CRYBG3: variants seen among roughly 807,000 people sequenced by gnomAD.
CRYBG3 encodes crystallin beta-gamma domain containing 3.
CRYBG3 carries 127 observed loss-of-function variants against 244.2 expected under a neutral mutation model. That is an observed-to-expected ratio of 0.52 (90% confidence interval 0.45 to 0.60). The LOEUF (loss-of-function observed/expected upper bound fraction) is 0.60, where lower values mean the gene tolerates loss of function less well. Among genes scored for constraint, CRYBG3 ranks in the 20% least tolerant of loss-of-function variants. The probability of loss-of-function intolerance (pLI) is 0.00; values close to 1 mark genes in which losing one functional copy is unlikely to be tolerated. For missense variants in CRYBG3, 3,325 were observed against 3,442.5 expected, an observed-to-expected ratio of 0.97 and a Z score of 0.85; for synonymous variants, 1,132 against 1,195.8, an observed-to-expected ratio of 0.95 and a Z score of 1.10.
intron 17 of CRYBG3, among the ~76,000 whole-genome samples, chr3:97,916,462 C>T (rs1239419616): frequency 6.6e-6 from 1 of 152,218 alleles, no homozygotes; most frequent in East Asian, 1.9e-4. Flanking sequence ...GATCACAACT[C>T]CAGGACATCA....
In CRYBG3 at chr3:97,872,822, G is replaced by C. The variant is rs752761204; in HGVS notation, c.1628G>C (p.Ser543Thr). The change falls in exon 4 of 22, where the codon AGT (serine) becomes ACT (threonine). Residue 543 changes from serine to threonine, a missense_variant. Ser to Thr is a moderately conservative substitution (Grantham distance 58). Coordinates refer to ENST00000389622, the MANE Select transcript of CRYBG3 (RefSeq NM_153605.4). ...TCAGCTGGTGAATCCATAGCTTCAAGTCATGTAAAAGCTCCAGAAGATAAA... is the reference window on the plus strand; with the variant it reads ...TCAGCTGGTGAATCCATAGCTTCAACTCATGTAAAAGCTCCAGAAGATAAA... ...SASAGESIAS[S>T]HVKAPEDKIE... The C allele has an allele frequency of 1.2e-5, 18 of 1,535,820 alleles. No homozygotes were observed. Among genetic ancestry groups the C allele is most frequent in the Non-Finnish European group, 1.6e-5 (18 of 1,146,804 alleles).
chr3:97,838,666 T>A (rs2038769848), intron 1 of CRYBG3, among the ~76,000 whole-genome samples: 1 of 152,282 alleles, frequency 6.6e-6, no homozygotes, highest in East Asian at 1.9e-4. Context: ...ATGTGTGCAC[T>A]GCTAGTTTGT....
chr3:97,841,969 G>A (rs1237258673), intron 1 of CRYBG3, among the ~76,000 whole-genome samples: 1 of 152,162 alleles, frequency 6.6e-6, no homozygotes, highest in Non-Finnish European at 1.5e-5. Flanking sequence ...CACCTCCTCT[G>A]AGGGTACTTT....
intron 12 of CRYBG3, among the ~76,000 whole-genome samples, chr3:97,896,913 TA>T (rs2039646576): frequency 6.6e-6 from 1 of 152,128 alleles, no homozygotes; most frequent in African/African-American, 2.4e-5. Context: ...GTCGGGATGT[TA>T]GGGAGAACTT....
At chr3:97,933,886 T>C (rs1273020453) in intron 18 of CRYBG3, 53 bp downstream of exon 18, 11 of 1,529,786 alleles carry the variant, frequency 7.2e-6, no homozygotes, top group South Asian at 1.1e-5. Flanking sequence ...TAAGACAGAG[T>C]TGCAGAGTTG....
intron 19 of CRYBG3, 133 bp downstream of exon 19, chr3:97,937,041 C>T (rs184253739): frequency 3.0e-5 from 28 of 927,058 alleles, no homozygotes; most frequent in Middle Eastern, 4.6e-4. Flanking sequence ...AATTAGGATG[C>T]GGATATCTTG....
chr3:97,936,618 G>A (rs771542466), intron 18 of CRYBG3, among the ~76,000 whole-genome samples, 167 bp from the exon 19 acceptor site: 4 of 152,054 alleles, frequency 2.6e-5, no homozygotes, highest in Admixed American at 6.6e-5. Context: ...CTAGGCCAGT[G>A]GGTTTTCTCC....
chr3:97,902,607 G>A (rs965900633), intron 15 of CRYBG3, among the ~76,000 whole-genome samples: 1 of 151,590 alleles, frequency 6.6e-6, no homozygotes, highest in Non-Finnish European at 1.5e-5. Context: ...CCTTCCCCTC[G>A]CCCCTCACTC....
rs897971218 is a variant in CRYBG3, at chr3:97,873,948, T to C, written c.2754T>C (p.Tyr918=). ...QAELSPAASK[Y]EDKPEPEVDA... is the part of the protein sequence containing the mutation. ...AGCTTTCTCCTGCTGCCTCCAAATA[T>C]GAAGATAAGCCAGAACCAGAGGTAG... Residue 918 remains tyrosine (Y), a synonymous_variant, in exon 4 of 22, where the codon TAT becomes TAC. Transcript: ENST00000389622. 6.5e-7 allele frequency: 1 copy of C among 1,535,642 alleles called. No individual in the cohort carries two copies. Among genetic ancestry groups the C allele is most frequent in the South Asian group, 1.2e-5 (1 of 83,934 alleles).
At chr3:97,830,011 A>G (rs1186972297) in intron 1 of CRYBG3, among the ~76,000 whole-genome samples, 1 of 152,140 alleles carries the variant, frequency 6.6e-6, no homozygotes, top group Non-Finnish European at 1.5e-5. Context: ...TGGACAATAT[A>G]TATTGACCTC....
Position 97,822,077 on chromosome 3 carries a change from C to G in CRYBG3, c.-130C>G. 1.4e-6 allele frequency: 1 copy of G among 721,590 alleles called. No individual in the cohort carries two copies. Among genetic ancestry groups the G allele is most frequent in the Non-Finnish European group, 2.0e-6 (1 of 507,926 alleles). The allele number at this position is 721,590 out of a possible 1,614,324, so 44.7% of individuals were successfully genotyped here. ...CTTCTCCTGCCCGAGAGAGACTGAG[C>G]CGCGCTGGCAGCTCGCGTCGAGTCG... On this transcript the variant is annotated 5_prime_UTR_variant, in exon 1 of 22. Coordinates refer to ENST00000389622, the MANE Select transcript of CRYBG3 (RefSeq NM_153605.4).
At chr3:97,846,027 C>T (rs2038896090) in intron 2 of CRYBG3, among the ~76,000 whole-genome samples, 1 of 152,126 alleles carries the variant, frequency 6.6e-6, no homozygotes, top group Non-Finnish European at 1.5e-5. Flanking sequence ...GTCTGGCGCA[C>T]GTGTCATGGA....
intron 1 of CRYBG3, among the ~76,000 whole-genome samples, chr3:97,822,641 C>G (rs1269934642): frequency 6.6e-6 from 1 of 152,230 alleles, no homozygotes; most frequent in Non-Finnish European, 1.5e-5. Flanking sequence ...TCCCACTTTC[C>G]CCTGCCCGGA....
At chr3:97,934,555 A>G (rs1321341090) in intron 18 of CRYBG3, among the ~76,000 whole-genome samples, 2 of 152,104 alleles carry the variant, frequency 1.3e-5, no homozygotes, top group East Asian at 3.9e-4. Context: ...AATGGCTTTA[A>G]AAGTTTTTCT....
intron 2 of CRYBG3, among the ~76,000 whole-genome samples, chr3:97,859,660 A>C (rs954047663): frequency 1.3e-5 from 2 of 152,162 alleles, no homozygotes; most frequent in Admixed American, 1.3e-4. Context: ...CATTGTTTCA[A>C]ATTCTCTAAA....
chr3:97,857,900 C>T (rs1412225938), intron 2 of CRYBG3, among the ~76,000 whole-genome samples: 2 of 151,882 alleles, frequency 1.3e-5, no homozygotes, highest in East Asian at 1.9e-4. Context: ...TTGTTCCTTT[C>T]TTATGGTTTA....
At chr3:97,941,057 C>A in intron 19 of CRYBG3, 91 bp from the exon 20 acceptor site, 18 of 986,534 alleles carry the variant, frequency 1.8e-5, no homozygotes, top group Middle Eastern at 3.3e-4. Flanking sequence ...AGATAGTTAC[C>A]TCTCACTTTC....
chr3:97,841,192 GTGTATATA>G (rs148896217), intron 1 of CRYBG3, among the ~76,000 whole-genome samples: 3,703 of 145,942 alleles, frequency 0.025, 118 homozygotes, highest in African/African-American at 0.074. Flanking sequence ...TCATATATGT[GTGTATATA>G]TGTATATATG....
In CRYBG3 at chr3:97,844,243, T is replaced by A. The variant is rs190239727; in HGVS notation, c.216+982T>A. Among the ~76,000 whole-genome samples, 32 of 152,328 alleles carry A rather than the reference T, an allele frequency of 2.1e-4. No individual in the cohort carries two copies. The East Asian group carries it at 6.0e-3, about 29-fold the overall frequency. ...TTCTTCACTCCTTTGTGAGTCTGGCTACTAAATCCTCCTTCTGGTGGTTTT... is the reference window on the plus strand; with the variant it reads ...TTCTTCACTCCTTTGTGAGTCTGGCAACTAAATCCTCCTTCTGGTGGTTTT... On this transcript the variant is annotated intron_variant, in intron 2 of 21. Coordinates refer to ENST00000389622, the MANE Select transcript of CRYBG3 (RefSeq NM_153605.4).
Sources: allele counts gnomAD v4.1 joint callset (sites outside exome capture counted in the v4.1 genomes callset), GRCh38; gene constraint gnomAD v4.1.1; transcripts MANE v1.5; gene names NCBI Gene and HGNC (gene_info 2026-07-23, HGNC 2026-07-21).